The following GALR1 variants were observed in gnomAD, a reference collection of about 807,000 sequenced individuals.
The protein encoded by GALR1 is galanin receptor type 1.
In GALR1, 11 loss-of-function variants were observed where a neutral mutation model predicts 17.9. The ratio of observed to expected loss-of-function variants is 0.62; its 90% CI spans 0.39 to 1.02. The LOEUF is 1.02. Among genes scored for constraint, GALR1 ranks in the 50% least tolerant of loss-of-function variants. The pLI, the probability that GALR1 is intolerant of heterozygous loss-of-function variation, is 0.01. For synonymous variants in GALR1, 206 were observed against 205.7 expected (o/e 1.00, Z -0.01); for missense variants, 441 against 456.9 (o/e 0.97, Z 0.32).
Position 77,250,013 on chromosome 18 carries a change from G to C in GALR1, c.-536G>C, listed in dbSNP as rs1372864560. On this transcript the variant is annotated 5_prime_UTR_variant, in exon 1 of 3. Transcript: ENST00000299727. The stretch of plus-strand genomic sequence containing the variant: ...ACTGGGGAGGTGGCGCTGGGCGCGC[G>C]GGATGCGCGGGGAGCCTTCTCTGCA... Among the ~76,000 whole-genome samples, 1 of 152,118 alleles carries C rather than the reference G, an allele frequency of 6.6e-6. No homozygotes were observed. The highest frequency in any genetic ancestry group is 2.4e-5 in the African/African-American group (1 of 41,440).
Position 77,268,976 on chromosome 18 carries a change from G to A in GALR1, c.*74G>A. ...ACACAGAAACAAACAGAATGAGCTA[G>A]TAAGCGATGCTGCAACTTGTTATCT... On this transcript the variant is annotated 3_prime_UTR_variant, in exon 3 of 3. Coordinates refer to ENST00000299727, the MANE Select transcript of GALR1 (RefSeq NM_001480.4). 9.1e-7 allele frequency: 1 copy of A among 1,102,806 alleles called. No homozygotes were observed. Among genetic ancestry groups the A allele is most frequent in the Non-Finnish European group, 1.3e-6 (1 of 751,276 alleles). The allele number at this position is 1,102,806 out of a possible 1,614,324, so 68.3% of individuals were successfully genotyped here.
At position 77,261,000 on chromosome 18, in the gene GALR1, GTTT is replaced by G. The variant is rs35156015; in HGVS notation, c.732+4789_732+4791del. Among the ~76,000 whole-genome samples, 399 of 145,646 alleles carry G rather than the reference GTTT, an allele frequency of 2.7e-3. 3 individuals carry two copies. The highest frequency in any genetic ancestry group is 2.9e-3 in the Non-Finnish European group (190 of 66,540). ...GGATGTCATTTATACAATTTGTGAG[GTTT>G]TTTTTTTTTTTATCATTCTCACCTT... On this transcript the variant is annotated intron_variant, in intron 2 of 2. Coordinates refer to ENST00000299727, the MANE Select transcript of GALR1 (RefSeq NM_001480.4).
intron 1 of GALR1, among the ~76,000 whole-genome samples, chr18:77,251,981 G>A (rs1912429182): frequency 6.6e-6 from 1 of 152,180 alleles, no homozygotes; most frequent in African/African-American, 2.4e-5. Context: ...TCGAGCTTTC[G>A]GCTTCCCCAT....
chr18:77,263,813 G>A (rs567138812), intron 2 of GALR1, among the ~76,000 whole-genome samples: 2 of 152,250 alleles, frequency 1.3e-5, no homozygotes, highest in East Asian at 3.9e-4. Flanking sequence ...TTCTATTGCA[G>A]TGGGACTCCA....
rs114312150 is a variant in GALR1, at chr18:77,261,248, G to A, written c.732+5025G>A. Among the ~76,000 whole-genome samples, 892 of 152,270 alleles carry A rather than the reference G, an allele frequency of 5.9e-3. 10 individuals carry two copies. Among genetic ancestry groups the A allele is most frequent in the African/African-American group, 0.02 (836 of 41,552 alleles). Reference sequence around the variant, plus strand: ...TAAGAAGAATTTGTATAAAGATTTAGCACATAATTTTAAACAATAATTTTT... The same window carrying A: ...TAAGAAGAATTTGTATAAAGATTTAACACATAATTTTAAACAATAATTTTT... On this transcript the variant is annotated intron_variant, in intron 2 of 2. Transcript: ENST00000299727.
chr18:77,263,161 T>A (rs1366664622), intron 2 of GALR1, among the ~76,000 whole-genome samples: 2 of 152,256 alleles, frequency 1.3e-5, no homozygotes, highest in Non-Finnish European at 2.9e-5. Flanking sequence ...GAAATGATGA[T>A]GTTTTATATT....
intron 2 of GALR1, among the ~76,000 whole-genome samples, chr18:77,259,593 C>T (rs995282351): frequency 8.0e-5 from 11 of 137,508 alleles, no homozygotes; most frequent in Admixed American, 5.1e-4. Flanking sequence ...GTGATGGTGG[C>T]GATTGTGATG....
chr18:77,258,843 TGGTGGTGGTG>T (rs1568141551), intron 2 of GALR1, among the ~76,000 whole-genome samples: 4 of 2,196 alleles, frequency 1.8e-3, no homozygotes, highest in Non-Finnish European at 5.0e-3. Context: ...ATGGTGGTGA[TGGTGGTGGTG>T]ATGGTGGTGG....
intron 1 of GALR1, among the ~76,000 whole-genome samples, chr18:77,253,464 T>C (rs1912517415): frequency 6.6e-6 from 1 of 152,226 alleles, no homozygotes; most frequent in Non-Finnish European, 1.5e-5. Context: ...AAGCACACGC[T>C]TCCTTATTTC....
Position 77,271,254 on chromosome 18 carries a change from C to T in GALR1, c.*2352C>T, listed in dbSNP as rs1050439222. ...AATAGCTTGCGCTTGAAACCCCCCC[C>T]CCCCCGCCACTTTGCTAAATGTAAA... On this transcript the variant is annotated 3_prime_UTR_variant, in exon 3 of 3. Coordinates refer to ENST00000299727, the MANE Select transcript of GALR1 (RefSeq NM_001480.4). 7.9e-6 allele frequency: 1 copy of T among 126,360 alleles called. No homozygotes were observed. The highest frequency in any genetic ancestry group is 1.8e-5 in the Non-Finnish European group (1 of 55,996). 7.8% of individuals were successfully genotyped at this position (126,360 alleles called of 1,614,324 possible).
Position 77,250,887 on chromosome 18 carries a change from C to T in GALR1, c.339C>T (p.Tyr113=), listed in dbSNP as rs564578265. Residue 113 remains tyrosine (Y), a synonymous_variant, in exon 1 of 3, where the codon TAC becomes TAT. Transcript: ENST00000299727. ...LGAFICKFIH[Y]FFTVSMLVSI... ...CCTTCATCTGCAAGTTCATCCACTA[C>T]TTCTTCACCGTGTCCATGCTGGTGA... 26 of 1,609,220 alleles carry T rather than the reference C, an allele frequency of 1.6e-5. No individual in the cohort carries two copies. The East Asian group carries it at 4.2e-4, about 26-fold the overall frequency.
At chr18:77,253,920 G>C (rs143989274) in intron 1 of GALR1, 1 of 152,220 alleles carries the variant, frequency 6.6e-6, no homozygotes, top group Non-Finnish European at 1.5e-5. Context: ...TGGGTGGGAG[G>C]ATGAGTCGAA....
At chr18:77,252,971 TCACCAC>T (rs1912492036) in intron 1 of GALR1, among the ~76,000 whole-genome samples, 2 of 23,166 alleles carry the variant, frequency 8.6e-5, no homozygotes, top group Non-Finnish European at 1.8e-4. Context: ...ACCACCACCA[TCACCAC>T]CATCACCACC....
intron 1 of GALR1, 74 bp downstream of exon 1, chr18:77,251,288 C>T: frequency 2.0e-6 from 3 of 1,520,496 alleles, no homozygotes; most frequent in South Asian, 2.6e-5. Flanking sequence ...GTCTCAGTGT[C>T]CCGCGGCCCT....
intron 1 of GALR1, among the ~76,000 whole-genome samples, chr18:77,252,989 T>TCACCACCACCACCATCACCAC (rs1912497053): frequency 4.0e-5 from 1 of 25,012 alleles, no homozygotes; most frequent in Non-Finnish European, 8.7e-5. Context: ...ATCACCACCA[T>TCACCACCACCACCATCACCAC]CACCACCACC....
In GALR1 at chr18:77,250,532, G is replaced by T. The variant is rs1271864427; in HGVS notation, c.-17G>T. 1.3e-6 allele frequency: 2 copies of T among 1,490,170 alleles called. No individual in the cohort carries two copies. The highest frequency in any genetic ancestry group is 2.2e-5 in the Admixed American group (1 of 46,052). The allele number at this position is 1,490,170 out of a possible 1,614,324, so 92.3% of individuals were successfully genotyped here. A position where few individuals can be genotyped will look rare whatever the true frequency, so the allele number is the denominator to read the frequency against. ...TCCCCGCGCGCCCCGCCGCTCGCCG[G>T]GACAGCCCCGCGGGCCATGGAGCTG... On this transcript the variant is annotated 5_prime_UTR_variant, in exon 1 of 3. Transcript: ENST00000299727.
chr18:77,271,246 A>ACAC lies in GALR1; in HGVS notation c.*2345_*2346insACC, dbSNP rs1913056132. The ACAC allele has an allele frequency of 1.3e-5, 1 of 77,952 alleles. No individual in the cohort carries two copies. The highest frequency in any genetic ancestry group is 2.8e-5 in the Non-Finnish European group (1 of 35,090). The allele number at this position is 77,952 out of a possible 1,614,324, so 4.8% of individuals were successfully genotyped here. ...CAAAAAGTAATAGCTTGCGCTTGAA[A>ACAC]CCCCCCCCCCCCCGCCACTTTGCTA... is the stretch of plus-strand genomic sequence containing the variant. On this transcript the variant is annotated 3_prime_UTR_variant, in exon 3 of 3. Coordinates refer to ENST00000299727, the MANE Select transcript of GALR1 (RefSeq NM_001480.4).
chr18:77,250,955 C>A lies in GALR1; in HGVS notation c.407C>A (p.Ala136Asp). 1.2e-6 allele frequency: 2 copies of A among 1,604,260 alleles called. No individual in the cohort carries two copies. Among genetic ancestry groups the A allele is most frequent in the Non-Finnish European group, 1.7e-6 (2 of 1,179,962 alleles). The change falls in exon 1 of 3, where the codon GCC (alanine) becomes GAC (aspartate). Residue 136 changes from alanine (A) to aspartate (D), a missense_variant. By Grantham distance (126) the Ala-to-Asp change is moderately radical. Coordinates refer to ENST00000299727, the MANE Select transcript of GALR1 (RefSeq NM_001480.4). ...LAAMSVDRYVAIVHSRRSSSL... is the reference protein window; with the variant it reads ...LAAMSVDRYVDIVHSRRSSSL... The stretch of plus-strand genomic sequence containing the variant: ...GCGATGTCCGTGGACCGCTACGTGG[C>A]CATCGTGCACTCGCGGCGCTCCTCC...
chr18:77,252,930 C>T (rs1568139086), intron 1 of GALR1, among the ~76,000 whole-genome samples: 2 of 68,962 alleles, frequency 2.9e-5, no homozygotes, highest in African/African-American at 4.8e-5. Context: ...CCATCACCAC[C>T]ACCACCACCA....
Sources: gnomAD v4.1 joint callset for allele counts (sites outside exome capture counted in the v4.1 genomes callset) on GRCh38, gnomAD v4.1.1 for gene constraint, MANE v1.5 for transcripts, NCBI Gene and HGNC (gene_info 2026-07-23, HGNC 2026-07-21) for gene names.